VWDE: variants seen among roughly 807,000 people sequenced by gnomAD.
VWDE encodes the protein von Willebrand factor D and EGF domain-containing protein.
A neutral mutation model predicts 178.4 loss-of-function variants in VWDE; 207 were observed. The ratio of observed to expected loss-of-function variants is 1.16; its 90% confidence interval spans 1.04 to 1.30. VWDE has a LOEUF of 1.30. Among genes scored for constraint, VWDE ranks in the 50% most tolerant of loss-of-function variants. The pLI, the probability that VWDE is intolerant of heterozygous loss-of-function variation, is 0.00. For missense variants in VWDE, 2,287 were observed against 1,901.3 expected (o/e 1.20, Z -3.77); for synonymous variants, 738 against 651.4 (o/e 1.13, Z -2.02).
chr7:12,332,848 C>T (rs1197236343), intron 28 of VWDE, among the ~76,000 whole-genome samples: 1 of 152,142 alleles, frequency 6.6e-6, no homozygotes, highest in East Asian at 1.9e-4. Context: ...GGTACTCCAG[C>T]ATACTTTTAT....
chr7:12,336,566 A>G (rs1781044677), intron 26 of VWDE, among the ~76,000 whole-genome samples: 1 of 152,178 alleles, frequency 6.6e-6, no homozygotes, highest in African/African-American at 2.4e-5. Flanking sequence ...TATAGAAAGG[A>G]AAAAAATGAA....
rs1477551548 is a variant in VWDE, at chr7:12,337,383, T to C, written c.4367-111A>G. 4.3e-6 allele frequency: 4 copies of C among 931,112 alleles called. No homozygotes were observed. In the East Asian group the frequency reaches 1.1e-4, roughly 24 times the overall value. The allele number at this position is 931,112 out of a possible 1,614,324, so 57.7% of individuals were successfully genotyped here. A position where few individuals can be genotyped will look rare whatever the true frequency, so the allele number is the denominator to read the frequency against. ...GAGGACATAAGGCAGAGAAATGTGC[T>C]ATTAAAATAAAAGATCACTCATTAA... On this transcript the variant is annotated intron_variant, in intron 24 of 28. Coordinates refer to ENST00000275358, the MANE Select transcript of VWDE (RefSeq NM_001135924.3).
chr7:12,370,269 T>C lies in VWDE; in HGVS notation c.2037A>G (p.Arg679=). The C allele has an allele frequency of 4.5e-6, 7 of 1,551,230 alleles. No individual in the cohort carries two copies. Among genetic ancestry groups the C allele is most frequent in the Non-Finnish European group, 6.1e-6 (7 of 1,146,866 alleles). ...SEYINSDTLV[R]EINKHTSPEE... ...CTGGAGATGTATGCTTGTTTATCTC[T>C]CTGACAAGAGTGTCTGAATTAATAT... The change falls in exon 12 of 29, where the codon AGA becomes AGG. Residue 679 remains arginine, a synonymous_variant. Coordinates refer to ENST00000275358, the MANE Select transcript of VWDE (RefSeq NM_001135924.3).
rs1173597815 is a variant in VWDE, at chr7:12,383,016, T to TA, written c.541+519dup. On this transcript the variant is annotated intron_variant, in intron 4 of 28. Coordinates refer to ENST00000275358, the MANE Select transcript of VWDE (RefSeq NM_001135924.3). ...TTTGACATAAATACAATCGTTCCCT[T>TA]AAAAAAAAAAAGGCATTGTTGTATT... Among the ~76,000 whole-genome samples the TA allele has an allele frequency of 3.1e-3, 447 of 145,024 alleles. 3 individuals carry two copies. The highest frequency in any genetic ancestry group is 9.0e-3 in the African/African-American group (358 of 39,960).
intron 1 of VWDE, among the ~76,000 whole-genome samples, chr7:12,396,602 C>T (rs1458054748): frequency 6.6e-6 from 1 of 151,980 alleles, no homozygotes; most frequent in Non-Finnish European, 1.5e-5. Flanking sequence ...ATTCCATACT[C>T]ATGGATTAGA....
intron 1 of VWDE, among the ~76,000 whole-genome samples, chr7:12,400,523 A>C (rs891056622): frequency 1.1e-4 from 16 of 152,188 alleles, no homozygotes; most frequent in Non-Finnish European, 2.2e-4. Context: ...CAATCCAAAT[A>C]GATTTATAAC....
chr7:12,345,601 G>C (rs1781559915), intron 19 of VWDE, among the ~76,000 whole-genome samples: 1 of 152,106 alleles, frequency 6.6e-6, no homozygotes, highest in Admixed American at 6.6e-5. Context: ...GTAACCTTGG[G>C]AAGACCTGCT....
chr7:12,383,595 G>C lies in VWDE; in HGVS notation c.482C>G (p.Ser161Cys). 1 of 1,550,292 alleles carries C rather than the reference G, an allele frequency of 6.5e-7. No individual in the cohort carries two copies. The highest frequency in any genetic ancestry group is 8.7e-7 in the Non-Finnish European group (1 of 1,145,790). ...ACCACATGGGTGTAATCGTGCATCA[G>C]AAATAGCTGCCAAGGGTTAAGGTTT... ...GCMGYCAEAI[S>C]DARLHPCGSD... Residue 161 changes from serine (S) to cysteine (C), a missense_variant, in exon 4 of 29, where the codon TCT (serine) becomes TGT (cysteine). Ser to Cys is a moderately radical substitution (Grantham distance 112, BLOSUM62 -1). Transcript: ENST00000275358.
intron 26 of VWDE, among the ~76,000 whole-genome samples, chr7:12,336,784 C>A (rs1266204416): frequency 6.6e-6 from 1 of 152,074 alleles, no homozygotes; most frequent in East Asian, 1.9e-4. Context: ...TACAAGATAT[C>A]CTCTTCTGCT....
intron 13 of VWDE, among the ~76,000 whole-genome samples, chr7:12,361,873 T>C (rs1782599991): frequency 6.6e-6 from 1 of 151,970 alleles, no homozygotes; most frequent in Non-Finnish European, 1.5e-5. Context: ...GCCCAGAAAT[T>C]CCTTCATTTC....
At chr7:12,379,656 T>A in intron 5 of VWDE, 90 bp from the exon 6 acceptor site, 1 of 846,480 alleles carries the variant, frequency 1.2e-6, no homozygotes, top group Non-Finnish European at 1.8e-6. Context: ...AATTTAATTC[T>A]TCATAGATAG....
At chr7:12,355,983 A>C (rs1782220690) in intron 18 of VWDE, 128 bp downstream of exon 18, 1 of 771,200 alleles carries the variant, frequency 1.3e-6, no homozygotes, top group Admixed American at 2.9e-5. Context: ...TATATTTGTA[A>C]TAACTTTTAT....
intron 5 of VWDE, among the ~76,000 whole-genome samples, chr7:12,380,100 C>A (rs1472602332): frequency 1.4e-5 from 2 of 146,700 alleles, no homozygotes; most frequent in Non-Finnish European, 1.5e-5. Flanking sequence ...GAGACTCCGC[C>A]TCAAAAAAAA....
At position 12,338,118 on chromosome 7, in the gene VWDE, T is replaced by A. The variant is rs1349956249; in HGVS notation, c.4367-846A>T. On this transcript the variant is annotated intron_variant, in intron 24 of 28. Coordinates refer to ENST00000275358, the MANE Select transcript of VWDE (RefSeq NM_001135924.3). ...AGTGTGGACTGACGCCCTGTTTGAA[T>A]TACTAGCTGCTTTCTTTATTTCCAA... 4.6e-5 allele frequency among the ~76,000 whole-genome samples: 7 copies of A among 152,200 alleles called. No individual in the cohort carries two copies. In the East Asian group the frequency reaches 1.3e-3, roughly 29 times the overall value.
intron 13 of VWDE, among the ~76,000 whole-genome samples, chr7:12,365,521 G>A (rs1002452442): frequency 2.6e-5 from 4 of 152,066 alleles, no homozygotes; most frequent in Non-Finnish European, 5.9e-5. Context: ...TCTTCGAAGG[G>A]AACTGAAATT....
At chr7:12,373,324 T>C in intron 9 of VWDE, 77 bp from the exon 10 acceptor site, 2 of 1,417,756 alleles carry the variant, frequency 1.4e-6, no homozygotes, top group Non-Finnish European at 1.9e-6. Flanking sequence ...TTGCAACAGC[T>C]TTATGTATCA....
At chr7:12,332,977 T>A (rs1285398255) in intron 28 of VWDE, among the ~76,000 whole-genome samples, 1 of 151,388 alleles carries the variant, frequency 6.6e-6, no homozygotes, top group African/African-American at 2.4e-5. Flanking sequence ...GTCTGTATGT[T>A]TGTATGAGAG....
intron 2 of VWDE, among the ~76,000 whole-genome samples, chr7:12,392,803 A>G (rs1296246220): frequency 2.5e-5 from 3 of 120,122 alleles, no homozygotes; most frequent in Non-Finnish European, 5.1e-5. Context: ...CGTAAAGTTA[A>G]GTTGCAAAAA....
intron 3 of VWDE, among the ~76,000 whole-genome samples, chr7:12,385,151 T>G (rs866152731): frequency 2.0e-5 from 3 of 149,622 alleles, no homozygotes; most frequent in African/African-American, 7.3e-5. Context: ...TAGGGATATA[T>G]AGATTGTGTA....
Sources: allele counts gnomAD v4.1 joint callset (sites outside exome capture counted in the v4.1 genomes callset), GRCh38; gene constraint gnomAD v4.1.1; transcripts MANE v1.5; gene names NCBI Gene and HGNC (gene_info 2026-07-23, HGNC 2026-07-21).